The following MCCC1 variants were observed in gnomAD, a reference collection of about 807,000 sequenced individuals.
MCCC1 encodes the protein methylcrotonoyl-CoA carboxylase subunit alpha, mitochondrial.
In MCCC1, 64 loss-of-function variants were observed where a neutral mutation model predicts 83.8. That is an observed-to-expected ratio of 0.76 (90% CI 0.62 to 0.94). The LOEUF (loss-of-function observed/expected upper bound fraction) is 0.94, where lower values mean the gene tolerates loss of function less well. Ranked by LOEUF, MCCC1 falls within the 40% of genes least tolerant of loss-of-function variation. MCCC1 has a pLI of 0.00. For synonymous variants in MCCC1, 322 were observed against 315.4 expected (o/e 1.02, Z -0.22); for missense variants, 807 against 904.7 (o/e 0.89, Z 1.39).
At position 183,022,547 on chromosome 3, in the gene MCCC1, T is replaced by A; in HGVS notation, c.1739A>T (p.Asp580Val). Residue 580 changes from aspartate (D) to valine (V), a missense_variant, in exon 16 of 19, where the codon GAT becomes GTT. Asp to Val is a radical substitution (Grantham distance 152). Coordinates refer to ENST00000265594, the MANE Select transcript of MCCC1 (RefSeq NM_020166.5). ...ATTACCAAGGACTTGGAAAGTTTTA[T>A]CTTCAATCTGAAAAAAATGAAAAAT... is the stretch of plus-strand genomic sequence containing the variant. ...HDGSYSMQIE[D>V]KTFQVLGNLY... The A allele has an allele frequency of 2.5e-6, 4 of 1,612,038 alleles. No homozygotes were observed. The highest frequency in any genetic ancestry group is 3.4e-6 in the Non-Finnish European group (4 of 1,178,446).
At chr3:183,055,740 T>TA (rs563489590) in intron 8 of MCCC1, among the ~76,000 whole-genome samples, 4 of 148,548 alleles carry the variant, frequency 2.7e-5, no homozygotes, top group African/African-American at 4.9e-5. Context: ...TACAATACAT[T>TA]AAAAAAAAAA....
intron 14 of MCCC1, among the ~76,000 whole-genome samples, chr3:183,029,369 T>TGG (rs1250724599): frequency 2.6e-5 from 4 of 152,198 alleles, no homozygotes; most frequent in Admixed American, 2.0e-4. Flanking sequence ...AAGACGAACA[T>TGG]GGCGGGGCCG....
intron 1 of MCCC1, among the ~76,000 whole-genome samples, chr3:183,104,973 T>C (rs1359268891): frequency 6.6e-6 from 1 of 152,238 alleles, no homozygotes; most frequent in Non-Finnish European, 1.5e-5. Context: ...CCCAAAGATG[T>C]TTGAAATGAT....
chr3:183,019,932 T>C (rs1403842781), intron 17 of MCCC1, among the ~76,000 whole-genome samples, 198 bp downstream of exon 17: 1 of 152,232 alleles, frequency 6.6e-6, no homozygotes, highest in Admixed American at 6.5e-5. Context: ...GCAGTCTTTT[T>C]CATAAATTAG....
upstream of MCCC1, among the ~76,000 whole-genome samples, chr3:183,101,069 C>A (rs1433883726): frequency 1.3e-5 from 2 of 152,344 alleles, no homozygotes; most frequent in East Asian, 1.9e-4. Context: ...TGTACTGAGT[C>A]CCCCAGCAGT....
intron 3 of MCCC1, among the ~76,000 whole-genome samples, chr3:183,090,080 C>CCTTG (rs1718205707): frequency 6.6e-6 from 1 of 152,020 alleles, no homozygotes; most frequent in African/African-American, 2.4e-5. Context: ...GGGCCAAGGA[C>CCTTG]CAAGTCCCAA....
intron 1 of MCCC1, among the ~76,000 whole-genome samples, chr3:183,104,874 A>G (rs944929981): frequency 6.6e-6 from 1 of 152,248 alleles, no homozygotes; most frequent in Non-Finnish European, 1.5e-5. Flanking sequence ...ACCATTCTGC[A>G]TAGTACTTTT....
chr3:183,060,496 A>C (rs1032328955), intron 7 of MCCC1, among the ~76,000 whole-genome samples: 1 of 152,248 alleles, frequency 6.6e-6, no homozygotes, highest in Non-Finnish European at 1.5e-5. Context: ...GACATAACAC[A>C]AATCAGCTAT....
At chr3:183,055,966 G>A (rs916514608) in intron 8 of MCCC1, among the ~76,000 whole-genome samples, 3 of 152,134 alleles carry the variant, frequency 2.0e-5, no homozygotes, top group African/African-American at 4.8e-5. Context: ...GTTTCAGGAT[G>A]ATAAGCAATC....
chr3:183,050,128 G>A (rs1233323049), intron 9 of MCCC1, among the ~76,000 whole-genome samples: 1 of 152,052 alleles, frequency 6.6e-6, no homozygotes. Flanking sequence ...CATGGCAGGA[G>A]GATCCCTTGG....
intron 4 of MCCC1, 92 bp downstream of exon 4, chr3:183,086,601 A>G: frequency 9.0e-7 from 1 of 1,108,338 alleles, no homozygotes; most frequent in Non-Finnish European, 1.4e-6. Flanking sequence ...GATCTTGGGA[A>G]AGGCTAAAAA....
chr3:183,069,138 G>A (rs1716464802), intron 7 of MCCC1, among the ~76,000 whole-genome samples: 1 of 152,098 alleles, frequency 6.6e-6, no homozygotes, highest in South Asian at 2.1e-4. Context: ...TATTACTGAT[G>A]CCTATTACAA....
At chr3:183,057,941 G>GA (rs1437884613) in intron 7 of MCCC1, among the ~76,000 whole-genome samples, 2 of 152,052 alleles carry the variant, frequency 1.3e-5, no homozygotes, top group East Asian at 3.9e-4. Flanking sequence ...ATATTAAAGA[G>GA]AAAAAATCTC....
In MCCC1 at chr3:183,064,608, G is replaced by C. The variant is rs1405160628; in HGVS notation, c.761+6391C>G. On this transcript the variant is annotated intron_variant, in intron 7 of 18. Transcript: ENST00000265594. The surrounding 1 kb of genome is among the most constrained non-coding windows in gnomAD (Gnocchi z 4.5). ...CTGCACGCCAGCTCCCCGGTTCGCC[G>C]GCTGCGGTACGCCTCCTGCGCGTTG... Among the ~76,000 whole-genome samples, 2 of 152,192 alleles carry C rather than the reference G, an allele frequency of 1.3e-5. No homozygotes were observed. Among genetic ancestry groups the C allele is most frequent in the Non-Finnish European group, 2.9e-5 (2 of 68,020 alleles).
chr3:183,021,157 TG>T (rs1712132846), intron 16 of MCCC1, among the ~76,000 whole-genome samples: 1 of 152,218 alleles, frequency 6.6e-6, no homozygotes, highest in African/African-American at 2.4e-5. Flanking sequence ...ATGCTCAGTA[TG>T]CTAGGAACTG....
intron 12 of MCCC1, 145 bp downstream of exon 12, chr3:183,038,881 T>G (rs1236161225): frequency 2.6e-6 from 2 of 755,470 alleles, no homozygotes; most frequent in Non-Finnish European, 4.7e-6. Flanking sequence ...CCACGCAAAA[T>G]TCTCCCATGT....
intron 13 of MCCC1, among the ~76,000 whole-genome samples, chr3:183,034,727 CCTCTTTTA>C (rs1224388329): frequency 6.6e-6 from 1 of 151,924 alleles, no homozygotes; most frequent in African/African-American, 2.4e-5. Context: ...TTTCACCTGG[CCTCTTTTA>C]CTCTTTTATG....
chr3:183,112,306 G>A (rs1156532018), intron 1 of MCCC1, among the ~76,000 whole-genome samples: 1 of 152,192 alleles, frequency 6.6e-6, no homozygotes, highest in Non-Finnish European at 1.5e-5. Flanking sequence ...ACAGAAGGTA[G>A]GGTGTTTCCA....
At chr3:183,092,245 G>A (rs140919940) in intron 3 of MCCC1, 164 bp downstream of exon 3, 39 of 781,372 alleles carry the variant, frequency 5.0e-5, no homozygotes, top group Non-Finnish European at 8.0e-5. Context: ...TTCAACTGAT[G>A]TTATATCTGA....
Sources: gnomAD v4.1 joint callset for allele counts (sites outside exome capture counted in the v4.1 genomes callset) on GRCh38, gnomAD v4.1.1 for gene constraint, Gnocchi (gnomAD v3.1) non-coding constraint, MANE v1.5 for transcripts, NCBI Gene and HGNC (gene_info 2026-07-23, HGNC 2026-07-21) for gene names.